The following RABGAP1L variants were observed in gnomAD, a reference collection of about 807,000 sequenced individuals.
RABGAP1L encodes RAB GTPase activating protein 1 like.
In RABGAP1L, 63 loss-of-function variants were observed where a neutral mutation model predicts 137.7. The ratio of observed to expected loss-of-function variants is 0.46; its 90% CI spans 0.37 to 0.56. RABGAP1L has a LOEUF of 0.56. Among genes scored for constraint, RABGAP1L ranks in the 20% least tolerant of loss-of-function variants. The pLI is 0.00. For missense variants in RABGAP1L, 1,095 were observed against 1,244.0 expected, an observed-to-expected ratio of 0.88 and a Z score of 1.80; for synonymous variants, 431 against 433.7, an observed-to-expected ratio of 0.99 and a Z score of 0.08.
intron 19 of RABGAP1L, among the ~76,000 whole-genome samples, chr1:174,855,959 C>T (rs1427038866): frequency 1.3e-5 from 2 of 152,146 alleles, no homozygotes; most frequent in East Asian, 3.8e-4. Flanking sequence ...AACTGAAGTC[C>T]CACTTGAAAA....
At chr1:174,926,745 A>G (rs931430724) in intron 19 of RABGAP1L, among the ~76,000 whole-genome samples, 2 of 152,064 alleles carry the variant, frequency 1.3e-5, no homozygotes, top group African/African-American at 4.8e-5. Context: ...TATTTATTAC[A>G]TCATCTTACG....
intron 12 of RABGAP1L, among the ~76,000 whole-genome samples, chr1:174,383,298 T>C (rs1343316216): frequency 6.6e-6 from 1 of 151,590 alleles, no homozygotes; most frequent in East Asian, 1.9e-4. Context: ...CAGGCCTCCT[T>C]GAGCTGTGGT....
intron 7 of RABGAP1L, among the ~76,000 whole-genome samples, chr1:174,255,131 G>A (rs1043808937): frequency 1.3e-5 from 2 of 152,060 alleles, no homozygotes; most frequent in African/African-American, 4.8e-5. Flanking sequence ...CCGCATAAAT[G>A]TCTTCTTTTG....
intron 13 of RABGAP1L, among the ~76,000 whole-genome samples, chr1:174,514,890 GCCCTGATAATTTTTGT>G (rs1444919383): frequency 1.3e-5 from 2 of 151,986 alleles, no homozygotes; most frequent in Non-Finnish European, 2.9e-5. Flanking sequence ...ATTATTGAGG[GCCCTGATAATTTTTGT>G]TTTTGTAGGT....
rs528514249 is a variant in RABGAP1L, at chr1:174,454,569, T to A, written c.1710+60424T>A. Among the ~76,000 whole-genome samples, 8 of 150,894 alleles carry A rather than the reference T, an allele frequency of 5.3e-5. No individual in the cohort carries two copies. The East Asian group carries it at 1.2e-3, about 22-fold the overall frequency. ...CTGTAGGATTTTTTTTTTTTTTTTT[T>A]AGACAGAGTCTCGCTCTGTTGCCCA... is the stretch of plus-strand genomic sequence containing the variant. On this transcript the variant is annotated intron_variant, in intron 13 of 25. Transcript: ENST00000681986.
chr1:174,492,439 C>T (rs892427590), intron 13 of RABGAP1L, among the ~76,000 whole-genome samples: 28 of 151,336 alleles, frequency 1.9e-4, no homozygotes, highest in African/African-American at 5.8e-4. Context: ...ACCTCTGCCT[C>T]GCAGATTCAA....
chr1:174,403,122 A>G (rs1375997158), intron 13 of RABGAP1L, among the ~76,000 whole-genome samples: 1 of 151,902 alleles, frequency 6.6e-6, no homozygotes, highest in African/African-American at 2.4e-5. Context: ...TAATAATGCC[A>G]TGAGGTGTTT....
intron 18 of RABGAP1L, among the ~76,000 whole-genome samples, chr1:174,768,971 A>AGAGGGTAAAAGAG (rs1484068187): frequency 6.6e-6 from 1 of 152,052 alleles, no homozygotes. Context: ...TTTACCCTCT[A>AGAGGGTAAAAGAG]TCAGAAAAGT....
At chr1:174,788,158 T>C (rs770328049) in intron 18 of RABGAP1L, among the ~76,000 whole-genome samples, 20 of 152,186 alleles carry the variant, frequency 1.3e-4, no homozygotes, top group Non-Finnish European at 2.6e-4. Context: ...CTTTAATGTA[T>C]TATTGTTTGA....
At chr1:174,289,152 C>A (rs1035486704) in intron 10 of RABGAP1L, among the ~76,000 whole-genome samples, 9 of 152,234 alleles carry the variant, frequency 5.9e-5, no homozygotes, top group Admixed American at 5.9e-4. Flanking sequence ...ATGATCCCAC[C>A]TTAGCCTCCC....
At chr1:174,462,693 C>T (rs1656825198) in intron 13 of RABGAP1L, among the ~76,000 whole-genome samples, 1 of 152,142 alleles carries the variant, frequency 6.6e-6, no homozygotes. Flanking sequence ...TTCCCTCCTT[C>T]CTCTAGTGGT....
chr1:174,728,398 G>C (rs967264282), intron 17 of RABGAP1L, among the ~76,000 whole-genome samples: 4 of 151,974 alleles, frequency 2.6e-5, no homozygotes, highest in African/African-American at 9.7e-5. Flanking sequence ...AAAATGCCTA[G>C]GAATACATCT....
At chr1:174,284,000 G>T (rs1201362763) in intron 10 of RABGAP1L, among the ~76,000 whole-genome samples, 1 of 152,022 alleles carries the variant, frequency 6.6e-6, no homozygotes, top group Admixed American at 6.6e-5. Context: ...TTGAAAAAAC[G>T]GAATAGACTT....
chr1:174,309,757 G>A (rs1262871442), intron 11 of RABGAP1L, among the ~76,000 whole-genome samples: 3 of 152,050 alleles, frequency 2.0e-5, no homozygotes, highest in Non-Finnish European at 4.4e-5. Flanking sequence ...TGGTATTCTA[G>A]TGTTCTGTTG....
At chr1:174,355,393 C>T (rs922134456) in intron 11 of RABGAP1L, among the ~76,000 whole-genome samples, 1 of 145,888 alleles carries the variant, frequency 6.9e-6, no homozygotes, top group African/African-American at 2.6e-5. Flanking sequence ...TGTTCTCACT[C>T]ATAGGTGGGA....
chr1:174,287,261 C>T (rs1240855359), intron 10 of RABGAP1L, among the ~76,000 whole-genome samples: 1 of 152,056 alleles, frequency 6.6e-6, no homozygotes, highest in African/African-American at 2.4e-5. Context: ...GATGAATTGA[C>T]CCCTCTGTCA....
intron 13 of RABGAP1L, among the ~76,000 whole-genome samples, chr1:174,618,453 G>A (rs1557908860): frequency 1.3e-5 from 2 of 152,192 alleles, no homozygotes; most frequent in South Asian, 4.1e-4. Flanking sequence ...ACTTCCAGAG[G>A]AATGATCAGG....
rs1655045396 is a variant in RABGAP1L, at chr1:174,448,489, T to C, written c.1710+54344T>C. On this transcript the variant is annotated intron_variant, in intron 13 of 25. Transcript: ENST00000681986. The surrounding 1 kb of genome is among the most constrained non-coding windows in gnomAD (Gnocchi z 4.2). ...GATATATCATCTCAGTTCTAAAAAG[T>C]GTTTCTATGGCATGTCTTGCTTGCA... 1.9e-6 allele frequency: 3 copies of C among 1,613,752 alleles called. No homozygotes were observed. The East Asian group carries it at 6.7e-5, about 36-fold the overall frequency.
chr1:174,554,693 T>C (rs1417849757), intron 13 of RABGAP1L, among the ~76,000 whole-genome samples: 1 of 152,198 alleles, frequency 6.6e-6, no homozygotes, highest in Non-Finnish European at 1.5e-5. Flanking sequence ...AAGTTTAAAA[T>C]TAACATTTTC....
Sources: allele counts gnomAD v4.1 joint callset (sites outside exome capture counted in the v4.1 genomes callset), GRCh38; gene constraint gnomAD v4.1.1; non-coding constraint Gnocchi (gnomAD v3.1); transcripts MANE v1.5; gene names NCBI Gene and HGNC (gene_info 2026-07-23, HGNC 2026-07-21).